The following RSPH14 variants were observed in gnomAD, a reference collection of about 807,000 sequenced individuals.
RSPH14 encodes the protein rhabdoid tumor deletion region gene 1.
A neutral mutation model predicts 26.7 loss-of-function variants in RSPH14; 20 were observed. The observed-to-expected ratio is 0.75, with a 90% CI of 0.53 to 1.09. RSPH14 has a LOEUF of 1.09. RSPH14 is among the 50% of genes least tolerant of loss of function. The pLI is 0.00. For synonymous variants in RSPH14, 177 were observed against 189.3 expected, an observed-to-expected ratio of 0.93 and a Z score of 0.53; for missense variants, 449 against 457.2, an observed-to-expected ratio of 0.98 and a Z score of 0.16.
At chr22:23,151,700 C>T in the RSPH14 span, among the ~76,000 whole-genome samples, 6 of 152,282 alleles carry the variant, frequency 3.9e-5, no homozygotes, top group South Asian at 1.2e-3. Flanking sequence ...GCCTGGGCAA[C>T]ACAGCGAGAC....
chr22:23,082,220 G>C (rs1470880074), intron 4 of RSPH14, among the ~76,000 whole-genome samples: 1 of 149,840 alleles, frequency 6.7e-6, no homozygotes. Context: ...TTTTGTTTTT[G>C]TTTGTTTGTT....
intron 4 of RSPH14, among the ~76,000 whole-genome samples, chr22:23,076,842 G>A (rs1254326717): frequency 6.6e-6 from 1 of 152,262 alleles, no homozygotes; most frequent in Non-Finnish European, 1.5e-5. Context: ...TCTCAGGCCA[G>A]TAGAGGAGCT....
intron 4 of RSPH14, among the ~76,000 whole-genome samples, chr22:23,101,992 G>A (rs576559726): frequency 6.6e-6 from 1 of 152,168 alleles, no homozygotes; most frequent in Non-Finnish European, 1.5e-5. Context: ...TATCCTACCC[G>A]AGCACTGGAG....
chr22:23,074,354 GT>G (rs543179940), intron 4 of RSPH14, among the ~76,000 whole-genome samples: 160 of 152,296 alleles, frequency 1.1e-3, no homozygotes, highest in African/African-American at 3.6e-3. Flanking sequence ...TGGGAGATTT[GT>G]TTTTTTAAAG....
chr22:23,083,450 T>C (rs1403196339), intron 4 of RSPH14, among the ~76,000 whole-genome samples: 1 of 151,888 alleles, frequency 6.6e-6, no homozygotes, highest in African/African-American at 2.4e-5. Context: ...CAAAAGGGAG[T>C]GCTGGGGAAG....
At chr22:23,178,036 A>G in the RSPH14 span, among the ~76,000 whole-genome samples, 3 of 152,154 alleles carry the variant, frequency 2.0e-5, no homozygotes, top group East Asian at 5.8e-4. Flanking sequence ...CCTGGGCTCA[A>G]GCGATACTCC....
chr22:23,070,322 G>A (rs2068316781), intron 4 of RSPH14: 1 of 144,980 alleles, frequency 6.9e-6, no homozygotes, highest in African/African-American at 2.5e-5. Context: ...TGCCGGCGGC[G>A]GCGCGGCGCG....
intron 4 of RSPH14, among the ~76,000 whole-genome samples, chr22:23,070,011 G>A (rs45608532): frequency 0.042 from 6,331 of 152,216 alleles, 198 homozygotes; most frequent in Non-Finnish European, 0.065. Flanking sequence ...GCTCAGGCTT[G>A]GTTTCCCGGG....
the RSPH14 span, among the ~76,000 whole-genome samples, chr22:23,164,776 CACCTGTCTCTTCTGCTGGAG>C: frequency 6.6e-6 from 1 of 152,268 alleles, no homozygotes; most frequent in African/African-American, 2.4e-5. Flanking sequence ...TCCTTCCGTT[CACCTGTCTCTTCTGCTGGAG>C]ACACGTACCT....
intron 4 of RSPH14, among the ~76,000 whole-genome samples, chr22:23,117,713 C>T (rs572317321): frequency 6.6e-6 from 1 of 152,248 alleles, no homozygotes; most frequent in Non-Finnish European, 1.5e-5. Flanking sequence ...ACAGTCCCAG[C>T]ATTGTACAGA....
In RSPH14 at chr22:23,109,655, G is replaced by A. The variant is rs79205113; in HGVS notation, c.421+24371C>T. Among the ~76,000 whole-genome samples, 759 of 152,286 alleles carry A rather than the reference G, an allele frequency of 5.0e-3. 9 individuals are homozygous for A. Among genetic ancestry groups the A allele is most frequent in the African/African-American group, 0.017 (723 of 41,566 alleles). On this transcript the variant is annotated intron_variant, in intron 4 of 6. Coordinates refer to ENST00000216036, the MANE Select transcript of RSPH14 (RefSeq NM_014433.3). The stretch of plus-strand genomic sequence containing the variant: ...TGTTCAAGCTGGAACAGAGCCCTCC[G>A]TGCAGGCAGGGCCGAGCCTGTCTCC...
the RSPH14 span, among the ~76,000 whole-genome samples, chr22:23,176,681 T>TA: frequency 6.6e-6 from 1 of 152,202 alleles, no homozygotes; most frequent in African/African-American, 2.4e-5. Flanking sequence ...TCCTGAATTC[T>TA]AACCCCTTCT....
At chr22:23,069,183 C>T (rs1247048447) in intron 4 of RSPH14, among the ~76,000 whole-genome samples, 1 of 152,204 alleles carries the variant, frequency 6.6e-6, no homozygotes, top group Non-Finnish European at 1.5e-5. Flanking sequence ...GCCCCTCCAC[C>T]ACAGAGCTAT....
chr22:23,114,225 C>T (rs925519580), intron 4 of RSPH14, among the ~76,000 whole-genome samples: 5 of 152,196 alleles, frequency 3.3e-5, no homozygotes, highest in Admixed American at 6.5e-5. Flanking sequence ...TCTACAACCC[C>T]GCCCCACAGC....
At chr22:23,105,729 A>G (rs368644171) in intron 4 of RSPH14, among the ~76,000 whole-genome samples, 1 of 152,248 alleles carries the variant, frequency 6.6e-6, no homozygotes, top group Non-Finnish European at 1.5e-5. Context: ...CACCTGTATC[A>G]TGCTGTTTGT....
chr22:23,167,131 T>C, the RSPH14 span, among the ~76,000 whole-genome samples: 1 of 151,998 alleles, frequency 6.6e-6, no homozygotes, highest in African/African-American at 2.4e-5. Flanking sequence ...CCAACCCCAC[T>C]TGGAGTCTAA....
At chr22:23,123,093 A>G in intron 4 of RSPH14, 1 of 1,610,354 alleles carries the variant, frequency 6.2e-7, no homozygotes, top group Non-Finnish European at 8.5e-7. Flanking sequence ...CCAGAGTCGG[A>G]TGGCAGAGAG....
At chr22:23,156,209 T>A in the RSPH14 span, 1 of 574,332 alleles carries the variant, frequency 1.7e-6, no homozygotes, top group Non-Finnish European at 3.1e-6. Flanking sequence ...CCCCAGGCAC[T>A]GGCTGACTTT....
upstream of RSPH14, among the ~76,000 whole-genome samples, chr22:23,143,726 C>G (rs2146463334): frequency 6.6e-6 from 1 of 152,332 alleles, no homozygotes; most frequent in Non-Finnish European, 1.5e-5. Context: ...CACTTGTATG[C>G]TTTTCTCTTG....
Sources: allele counts gnomAD v4.1 joint callset (sites outside exome capture counted in the v4.1 genomes callset), GRCh38; gene constraint gnomAD v4.1.1; transcripts MANE v1.5; gene names NCBI Gene and HGNC (gene_info 2026-07-23, HGNC 2026-07-21).